USP30: variants seen among roughly 807,000 people sequenced by gnomAD.
The protein encoded by USP30 is ubiquitin specific peptidase 30.
USP30 carries 41 observed loss-of-function variants against 68.2 expected under a neutral mutation model. The ratio of observed to expected loss-of-function variants is 0.60; its 90% CI spans 0.47 to 0.78. The LOEUF (loss-of-function observed/expected upper bound fraction) is 0.78. Among genes scored for constraint, USP30 ranks in the 30% least tolerant of loss-of-function variants. The probability of loss-of-function intolerance (pLI) is 0.00; values close to 1 mark genes in which losing one functional copy is unlikely to be tolerated. For synonymous variants in USP30, 229 were observed against 253.7 expected (o/e 0.90, Z 0.93); for missense variants, 522 against 649.4 (o/e 0.80, Z 2.13).
At chr12:109,063,256 C>A (rs2041137752) in intron 3 of USP30, among the ~76,000 whole-genome samples, 1 of 152,066 alleles carries the variant, frequency 6.6e-6, no homozygotes, top group African/African-American at 2.4e-5. Context: ...TGCACCACCA[C>A]ACCTGGCTAA....
chr12:109,082,940 T>A lies in USP30; in HGVS notation c.1046T>A (p.Leu349Gln). 6.2e-7 allele frequency: 1 copy of A among 1,614,260 alleles called. No individual in the cohort carries two copies. Among genetic ancestry groups the A allele is most frequent in the Non-Finnish European group, 8.5e-7 (1 of 1,180,036 alleles). The change falls in exon 11 of 13, where the codon CTG (leucine) becomes CAG (glutamine). Residue 349 changes from leucine to glutamine, a missense_variant. By Grantham distance (113) the Leu-to-Gln change is moderately radical. Transcript: ENST00000257548. ...RHEHVQFNEF[L>Q]MMDIYKYHLL... ...GAGCACGTGCAGTTCAATGAGTTCCTGATGATGGACATTTACAAGTACCAC... is the reference window on the plus strand; with the variant it reads ...GAGCACGTGCAGTTCAATGAGTTCCAGATGATGGACATTTACAAGTACCAC...
chr12:109,057,892 T>A lies in USP30; in HGVS notation c.194-34T>A, dbSNP rs745397830. 3.8e-6 allele frequency: 6 copies of A among 1,598,748 alleles called. No individual in the cohort carries two copies. In the East Asian group the frequency reaches 1.3e-4, roughly 36 times the overall value. On this transcript the variant is annotated intron_variant, in intron 2 of 12. Transcript: ENST00000257548. Reference sequence around the variant, plus strand: ...GGAGAGAAATTGATCAAATGTGATATACTGTTCTCTTCTTCCCCCTGCTTT... The same window carrying A: ...GGAGAGAAATTGATCAAATGTGATAAACTGTTCTCTTCTTCCCCCTGCTTT...
At chr12:109,078,380 C>T (rs555694961) in intron 7 of USP30, among the ~76,000 whole-genome samples, 41 of 151,720 alleles carry the variant, frequency 2.7e-4, no homozygotes, top group Non-Finnish European at 5.3e-4. Context: ...GCCGAGATCA[C>T]GCCACTGCAC....
At chr12:109,027,939 A>G (rs923431473) in intron 3 of USP30, among the ~76,000 whole-genome samples, 4 of 152,142 alleles carry the variant, frequency 2.6e-5, no homozygotes, top group African/African-American at 9.7e-5. Flanking sequence ...GTCATATGGT[A>G]ACTATGTTTA....
intron 2 of USP30, among the ~76,000 whole-genome samples, chr12:109,026,552 C>G (rs2040446643): frequency 6.6e-6 from 1 of 151,832 alleles, no homozygotes; most frequent in South Asian, 2.1e-4. Context: ...CTCAACCTCC[C>G]AAGCTCAAGT....
intron 7 of USP30, among the ~76,000 whole-genome samples, chr12:109,079,054 G>A (rs966177514): frequency 6.6e-6 from 1 of 152,118 alleles, no homozygotes; most frequent in African/African-American, 2.4e-5. Flanking sequence ...GCGCATAGAT[G>A]TGGTTTTCTT....
In USP30 at chr12:109,030,657, G is replaced by A. The variant is rs566177193; in HGVS notation, c.-136+3101G>A. Among the ~76,000 whole-genome samples the A allele has an allele frequency of 3.3e-5, 5 of 152,252 alleles. 1 individual carries two copies. Among genetic ancestry groups the A allele is most frequent in the East Asian group, 1.9e-4 (1 of 5,180 alleles). On this transcript the variant is annotated intron_variant, in intron 3 of 15. Transcript: ENST00000392784. ...TTTTGAGACGGAGTCTCACTCTGTC[G>A]CCAGGCTGGAGTGCAGTGGCGCTAT...
intron 7 of USP30, among the ~76,000 whole-genome samples, chr12:109,078,734 C>T (rs940499072): frequency 6.6e-6 from 1 of 152,084 alleles, no homozygotes; most frequent in Non-Finnish European, 1.5e-5. Context: ...CTAAAAACTT[C>T]CTTTTAACAT....
intron 9 of USP30, among the ~76,000 whole-genome samples, chr12:109,082,318 G>A (rs2135824655): frequency 6.6e-6 from 1 of 152,286 alleles, no homozygotes; most frequent in African/African-American, 2.4e-5. Flanking sequence ...CTTTTAACCT[G>A]TGCTACCTGC....
chr12:109,080,978 A>T (rs983736112), intron 7 of USP30, among the ~76,000 whole-genome samples: 1 of 152,246 alleles, frequency 6.6e-6, no homozygotes, highest in Non-Finnish European at 1.5e-5. Context: ...CTCAGACTGT[A>T]TCCCCATTGT....
chr12:109,027,868 T>C (rs1344404539), intron 3 of USP30, among the ~76,000 whole-genome samples: 1 of 152,218 alleles, frequency 6.6e-6, no homozygotes, highest in Non-Finnish European at 1.5e-5. Flanking sequence ...GTCTACAGTG[T>C]ATCCCTTTGA....
intron 3 of USP30, among the ~76,000 whole-genome samples, chr12:109,031,467 T>C (rs2040480566): frequency 6.6e-6 from 1 of 152,200 alleles, no homozygotes; most frequent in African/African-American, 2.4e-5. Context: ...ATAGAATTAA[T>C]TACTCTATGA....
rs148824380 is a variant in USP30, at chr12:109,073,347, A to G, written c.626-91A>G. 1.5e-5 allele frequency: 13 copies of G among 844,494 alleles called. No homozygotes were observed. In the Admixed American group the frequency reaches 1.7e-4, roughly 11 times the overall value. The allele number at this position is 844,494 out of a possible 1,614,324, so 52.3% of individuals were successfully genotyped here. A position where few individuals can be genotyped will look rare whatever the true frequency, so the allele number is the denominator to read the frequency against. On this transcript the variant is annotated intron_variant, in intron 6 of 12. Coordinates refer to ENST00000257548, the MANE Select transcript of USP30 (RefSeq NM_032663.5). ...TCAAGAATATTTTTTCTTAAGAGGTAGTTTCTACCACATGCTAGAAAGGAA... is the reference window on the plus strand; with the variant it reads ...TCAAGAATATTTTTTCTTAAGAGGTGGTTTCTACCACATGCTAGAAAGGAA...
chr12:109,061,901 C>G (rs948555496), intron 3 of USP30, among the ~76,000 whole-genome samples: 1 of 152,046 alleles, frequency 6.6e-6, no homozygotes, highest in Admixed American at 6.6e-5. Flanking sequence ...TTCTATGCAT[C>G]CATAGAAATT....
rs755701706 is a variant in USP30 at position 109,081,912 on chromosome 12, TTTC to T, written c.781-13_781-11del. ...TAGCTGTCCTTTGAATTGTAGTAAT[TTTC>T]TTCTTCTCATGCTGTAGGGTCACCC... On this transcript the variant is annotated intron_variant, in intron 8 of 12. Coordinates refer to ENST00000257548, the MANE Select transcript of USP30 (RefSeq NM_032663.5). 9.9e-6 allele frequency: 16 copies of T among 1,610,672 alleles called. 1 individual carries two copies. The Middle Eastern group carries it at 4.9e-4, about 50-fold the overall frequency.
In USP30 at chr12:109,083,072, C is replaced by T. The variant is rs201984497; in HGVS notation, c.1168+10C>T. ...GGAGCCCCCACACCAGGTGTGTGCGCGCGAGGAGCCGATGCAGCAGGAATT... is the reference window on the plus strand; with the variant it reads ...GGAGCCCCCACACCAGGTGTGTGCGTGCGAGGAGCCGATGCAGCAGGAATT... On this transcript the variant is annotated intron_variant, in intron 11 of 12. Transcript: ENST00000257548. 257 of 1,576,036 alleles carry T rather than the reference C, an allele frequency of 1.6e-4. No individual in the cohort carries two copies. In the Middle Eastern group the frequency reaches 1.7e-3, roughly 10 times the overall value.
intron 7 of USP30, among the ~76,000 whole-genome samples, chr12:109,074,284 T>C (rs1260073360): frequency 6.6e-6 from 1 of 152,230 alleles, no homozygotes; most frequent in Non-Finnish European, 1.5e-5. Flanking sequence ...TTGATGGGCA[T>C]TTGGATTGTT....
intron 3 of USP30, among the ~76,000 whole-genome samples, chr12:109,042,285 A>G (rs2040570424): frequency 6.6e-6 from 1 of 152,044 alleles, no homozygotes; most frequent in African/African-American, 2.4e-5. Flanking sequence ...TTGAATAAAT[A>G]TTGCATGGAG....
At chr12:109,046,409 A>G (rs1593226955) in intron 3 of USP30, among the ~76,000 whole-genome samples, 1 of 129,854 alleles carries the variant, frequency 7.7e-6, no homozygotes, top group Non-Finnish European at 1.7e-5. Context: ...CATTGCACCC[A>G]GCCCAGTCTT....
Sources: allele counts gnomAD v4.1 joint callset (sites outside exome capture counted in the v4.1 genomes callset), GRCh38; gene constraint gnomAD v4.1.1; transcripts MANE v1.5; gene names NCBI Gene and HGNC (gene_info 2026-07-23, HGNC 2026-07-21).